The following NCAM2 variants were observed in gnomAD, a reference collection of about 807,000 sequenced individuals.
The protein encoded by NCAM2 is neural cell adhesion molecule 2, also known as N-CAM-2.
NCAM2 carries 30 observed loss-of-function variants against 98.1 expected under a neutral mutation model. The observed-to-expected ratio is 0.31, with a 90% CI of 0.23 to 0.41. The LOEUF is 0.41. Among genes scored for constraint, NCAM2 ranks in the 10% least tolerant of loss-of-function variants. The probability of loss-of-function intolerance (pLI) is 1.00; values close to 1 mark genes in which losing one functional copy is unlikely to be tolerated. For synonymous variants in NCAM2, 368 were observed against 342.4 expected, an observed-to-expected ratio of 1.07 and a Z score of -0.83; for missense variants, 867 against 1,005.8, an observed-to-expected ratio of 0.86 and a Z score of 1.87.
rs182022707 is a variant in NCAM2 at position 21,026,853 on chromosome 21, T to C, written c.55+28235T>C. ...TGGCAAATGTTTTCTTTTCTTCTTC[T>C]TCTTTTTTTTTTTTTTTTTTTGAGA... On this transcript the variant is annotated intron_variant, in intron 1 of 17. Transcript: ENST00000400546. 4.5e-3 allele frequency among the ~76,000 whole-genome samples: 661 copies of C among 146,100 alleles called. 8 individuals are homozygous for C. Among genetic ancestry groups the C allele is most frequent in the African/African-American group, 0.016 (610 of 39,350 alleles).
chr21:21,508,242 T>TA (rs1988114261), intron 15 of NCAM2, among the ~76,000 whole-genome samples: 1 of 152,152 alleles, frequency 6.6e-6, no homozygotes, highest in African/African-American at 2.4e-5. Flanking sequence ...ATATATTTGT[T>TA]AAAATATTAA....
intron 10 of NCAM2, among the ~76,000 whole-genome samples, chr21:21,418,094 C>CATAT (rs202190583): frequency 2.9e-5 from 4 of 137,768 alleles, no homozygotes; most frequent in Admixed American, 1.4e-4. Context: ...ACTATAGATA[C>CATAT]ATATATATAT....
intron 9 of NCAM2, among the ~76,000 whole-genome samples, chr21:21,379,940 A>G (rs750273647): frequency 2.0e-5 from 3 of 152,110 alleles, no homozygotes; most frequent in African/African-American, 4.8e-5. Flanking sequence ...AACTTGTCCA[A>G]TGTTCGAGGA....
chr21:21,384,340 T>A (rs2076218561), intron 9 of NCAM2, among the ~76,000 whole-genome samples: 1 of 151,912 alleles, frequency 6.6e-6, no homozygotes, highest in Admixed American at 6.6e-5. Flanking sequence ...GCTTGATGAA[T>A]GCCATTTTTA....
chr21:21,445,818 G>C (rs926903069), intron 12 of NCAM2, among the ~76,000 whole-genome samples: 1 of 151,998 alleles, frequency 6.6e-6, no homozygotes, highest in African/African-American at 2.4e-5. Flanking sequence ...CATTTAGTCT[G>C]TTTACATTTA....
chr21:21,389,601 C>T (rs916403075), intron 9 of NCAM2, among the ~76,000 whole-genome samples: 1 of 152,156 alleles, frequency 6.6e-6, no homozygotes, highest in Non-Finnish European at 1.5e-5. Context: ...AATATCCTTT[C>T]CAGCCTCTGG....
intron 16 of NCAM2, among the ~76,000 whole-genome samples, chr21:21,519,405 G>A (rs1602547111): frequency 6.6e-6 from 1 of 152,082 alleles, no homozygotes; most frequent in East Asian, 1.9e-4. Flanking sequence ...TTATATAAGA[G>A]TGAGTATATT....
chr21:21,425,040 CAA>C (rs1192128472), intron 11 of NCAM2, among the ~76,000 whole-genome samples: 28 of 43,850 alleles, frequency 6.4e-4, no homozygotes, highest in African/African-American at 2.0e-3. Context: ...CTTCCTCCTC[CAA>C]AAAAAAAAAA....
chr21:21,201,990 G>T (rs2069241760), intron 1 of NCAM2, among the ~76,000 whole-genome samples: 1 of 152,156 alleles, frequency 6.6e-6, no homozygotes, highest in Admixed American at 6.5e-5. Flanking sequence ...CTGGGATGAG[G>T]TCTATGCATC....
chr21:21,119,907 T>A (rs931668901), intron 1 of NCAM2, among the ~76,000 whole-genome samples: 2 of 152,242 alleles, frequency 1.3e-5, no homozygotes, highest in Admixed American at 6.5e-5. Context: ...ATTGTTTGTG[T>A]TCAAGCATAA....
chr21:21,267,243 G>C (rs2072317757), intron 1 of NCAM2, among the ~76,000 whole-genome samples: 1 of 152,042 alleles, frequency 6.6e-6, no homozygotes, highest in Non-Finnish European at 1.5e-5. Context: ...TGAGAAACTT[G>C]GTGACTCCAA....
chr21:21,230,495 G>A (rs937365263), intron 1 of NCAM2, among the ~76,000 whole-genome samples: 8 of 151,154 alleles, frequency 5.3e-5, no homozygotes, highest in African/African-American at 1.9e-4. Flanking sequence ...ACTCTTTTTC[G>A]ATCACCATAT....
intron 11 of NCAM2, among the ~76,000 whole-genome samples, chr21:21,428,274 A>C (rs1018230657): frequency 6.6e-6 from 1 of 152,212 alleles, no homozygotes; most frequent in African/African-American, 2.4e-5. Flanking sequence ...TGAAGGAATA[A>C]TAGTGTGTAA....
At chr21:21,294,873 T>C (rs2073421916) in intron 5 of NCAM2, among the ~76,000 whole-genome samples, 2 of 151,766 alleles carry the variant, frequency 1.3e-5, no homozygotes, top group Non-Finnish European at 2.9e-5. Context: ...TAAAGATGTT[T>C]CAGTGAAAAT....
At chr21:21,297,973 T>C (rs1419933808) in intron 5 of NCAM2, among the ~76,000 whole-genome samples, 1 of 151,742 alleles carries the variant, frequency 6.6e-6, no homozygotes, top group African/African-American at 2.4e-5. Context: ...AAAGCAATTG[T>C]TTCTTTAGTC....
intron 10 of NCAM2, among the ~76,000 whole-genome samples, chr21:21,415,213 C>T (rs1470030138): frequency 6.6e-6 from 1 of 151,606 alleles, no homozygotes; most frequent in Non-Finnish European, 1.5e-5. Flanking sequence ...CTGCCCTTTA[C>T]ATCTCCTCTC....
chr21:21,125,314 C>T (rs186669359), intron 1 of NCAM2, among the ~76,000 whole-genome samples: 181 of 64,850 alleles, frequency 2.8e-3, no homozygotes, highest in African/African-American at 9.6e-3. Context: ...CATCTAACTG[C>T]TTCTTGGAAA....
chr21:21,218,266 A>G (rs1038239335), intron 1 of NCAM2, among the ~76,000 whole-genome samples: 3 of 152,152 alleles, frequency 2.0e-5, no homozygotes, highest in African/African-American at 7.2e-5. Flanking sequence ...AAGTTAAGTT[A>G]CCAGATTCCA....
intron 1 of NCAM2, among the ~76,000 whole-genome samples, chr21:21,165,896 C>T (rs1309792814): frequency 2.0e-5 from 3 of 152,030 alleles, no homozygotes; most frequent in Admixed American, 6.6e-5. Context: ...GTCTTTGTGC[C>T]TTGGTCACAG....
Sources: allele counts gnomAD v4.1 joint callset (sites outside exome capture counted in the v4.1 genomes callset), GRCh38; gene constraint gnomAD v4.1.1; transcripts MANE v1.5; gene names NCBI Gene and HGNC (gene_info 2026-07-23, HGNC 2026-07-21).